MANBA: variants seen among roughly 807,000 people sequenced by gnomAD.
MANBA encodes the protein mannosidase beta, also known as beta-mannosidase.
MANBA carries 83 observed loss-of-function variants against 111.1 expected under a neutral mutation model. The ratio of observed to expected loss-of-function variants is 0.75; its 90% CI spans 0.63 to 0.90. The LOEUF (loss-of-function observed/expected upper bound fraction) is 0.90, where lower values mean the gene tolerates loss of function less well. Among genes scored for constraint, MANBA ranks in the 40% least tolerant of loss-of-function variants. MANBA has a pLI of 0.00. For synonymous variants in MANBA, 370 were observed against 378.7 expected (o/e 0.98, Z 0.27); for missense variants, 1,036 against 1,069.0 (o/e 0.97, Z 0.43).
chr4:102,743,451 G>T (rs1360789121), intron 1 of MANBA, among the ~76,000 whole-genome samples: 1 of 152,146 alleles, frequency 6.6e-6, no homozygotes, highest in Non-Finnish European at 1.5e-5. Context: ...TCCACTTTCG[G>T]GTGGTGCCTG....
At position 102,657,690 on chromosome 4, in the gene MANBA, A is replaced by C. The variant is rs145730170; in HGVS notation, c.1696T>G (p.Leu566Val). 66 of 1,607,184 alleles carry C rather than the reference A, an allele frequency of 4.1e-5. No individual in the cohort carries two copies. The highest frequency in any genetic ancestry group is 5.2e-5 in the Non-Finnish European group (61 of 1,173,802). Reference sequence around the variant, plus strand: ...ATCAAACGATGACTTACCTTTTCTAATGTACTGAAGGACGGCCAGGACTGA... The same window carrying C: ...ATCAAACGATGACTTACCTTTTCTACTGTACTGAAGGACGGCCAGGACTGA... The part of the protein sequence containing the change: ...GYQSWPSFST[L>V]EKVSSTEDWS... Residue 566 changes from leucine (L) to valine (V), a missense_variant, in exon 12 of 17, where the codon TTA becomes GTA. Leu to Val is a conservative substitution (Grantham distance 32). Coordinates refer to ENST00000647097, the MANE Select transcript of MANBA (RefSeq NM_005908.4).
intron 12 of MANBA, among the ~76,000 whole-genome samples, chr4:102,651,436 T>C (rs1009161544): frequency 6.6e-6 from 1 of 152,116 alleles, no homozygotes; most frequent in Non-Finnish European, 1.5e-5. Context: ...TGTTGGAGTA[T>C]ACCTTCTACA....
At chr4:102,662,267 C>T (rs1004321366) in intron 11 of MANBA, among the ~76,000 whole-genome samples, 1 of 152,008 alleles carries the variant, frequency 6.6e-6, no homozygotes, top group African/African-American at 2.4e-5. Flanking sequence ...GTGGGCCAGG[C>T]GTGGTGGCTC....
intron 16 of MANBA, chr4:102,633,178 T>G: frequency 2.5e-6 from 1 of 397,230 alleles, no homozygotes; most frequent in Non-Finnish European, 4.4e-6. Flanking sequence ...AGAAGCTTAA[T>G]AAAGCGTATC....
At chr4:102,726,142 T>C (rs1350791577) in intron 2 of MANBA, among the ~76,000 whole-genome samples, 2 of 152,182 alleles carry the variant, frequency 1.3e-5, no homozygotes, top group African/African-American at 4.8e-5. Context: ...GGATTTTTTT[T>C]TTCATTTAGC....
chr4:102,670,400 C>G (rs1490241939), intron 9 of MANBA, among the ~76,000 whole-genome samples: 1 of 151,984 alleles, frequency 6.6e-6, no homozygotes, highest in Non-Finnish European at 1.5e-5. Flanking sequence ...ATATTGTCAT[C>G]GTCACAATGA....
At chr4:102,748,349 A>T (rs1388200720) in intron 1 of MANBA, among the ~76,000 whole-genome samples, 6 of 152,214 alleles carry the variant, frequency 3.9e-5, no homozygotes. Context: ...CTCAAAAATG[A>T]TAGCTATCTT....
intron 1 of MANBA, chr4:102,734,651 G>A: frequency 1.4e-6 from 2 of 1,438,710 alleles, no homozygotes; most frequent in African/African-American, 1.4e-5. Flanking sequence ...GGCAGGGAGA[G>A]GGCCTTGGGG....
chr4:102,657,897 C>A lies in MANBA; in HGVS notation c.1489G>T (p.Asp497Tyr), dbSNP rs1307797015. Residue 497 changes from aspartate (D) to tyrosine (Y), a missense_variant, in exon 12 of 17, where the codon GAC (aspartate) becomes TAC (tyrosine). Physicochemically the swap from Asp to Tyr is radical, Grantham distance 160. Coordinates refer to ENST00000647097, the MANE Select transcript of MANBA (RefSeq NM_005908.4). ...GACGTAATAAAAGGACGACTCTTGT[C>A]TCCCTGAGTTCAGAAATAAAATGAA... ...KNIRELVLAG[D>Y]KSRPFITSSP... is the part of the protein sequence containing the mutation. 6.3e-7 allele frequency: 1 copy of A among 1,591,848 alleles called. No homozygotes were observed. The highest frequency in any genetic ancestry group is 2.2e-5 in the East Asian group (1 of 44,794).
chr4:102,734,692 C>T (rs1242647964), intron 1 of MANBA: 3 of 982,042 alleles, frequency 3.1e-6, no homozygotes, highest in Non-Finnish European at 4.6e-6. Context: ...TATCCTGTTC[C>T]CCCTCTCCAT....
At chr4:102,666,545 G>C (rs1731230345) in intron 10 of MANBA, 2 of 152,330 alleles carry the variant, frequency 1.3e-5, no homozygotes, top group Admixed American at 1.3e-4. Context: ...GGCCAAAGGA[G>C]AACAAAGGAG....
chr4:102,737,455 A>G (rs1018200943), intron 1 of MANBA, among the ~76,000 whole-genome samples: 1 of 151,842 alleles, frequency 6.6e-6, no homozygotes, highest in Non-Finnish European at 1.5e-5. Context: ...TTCATGGAAG[A>G]TGGGTAAGGC....
intron 7 of MANBA, among the ~76,000 whole-genome samples, chr4:102,676,467 A>G (rs1051112357): frequency 5.3e-5 from 8 of 152,052 alleles, no homozygotes; most frequent in Non-Finnish European, 1.2e-4. Flanking sequence ...ACATTGCAGA[A>G]TGCTTACTAG....
rs1192229674 is a variant in MANBA, at chr4:102,689,359, A to AAT, written c.960+213_960+214dup. Among the ~76,000 whole-genome samples, 1,285 of 100,380 alleles carry AAT rather than the reference A, an allele frequency of 0.013. 23 individuals are homozygous for AAT. The highest frequency in any genetic ancestry group is 0.04 in the African/African-American group (1,175 of 29,340). 65.9% of individuals were successfully genotyped at this position (100,380 alleles called of 152,430 possible). ...GCAAGACTCTGTCTCAAAAAAAAAA[A>AAT]ATATATATATATATATATATGTGTG... On this transcript the variant is annotated intron_variant, in intron 7 of 16. Coordinates refer to ENST00000647097, the MANE Select transcript of MANBA (RefSeq NM_005908.4).
At chr4:102,644,811 AG>A (rs1730029451) in intron 13 of MANBA, among the ~76,000 whole-genome samples, 1 of 152,180 alleles carries the variant, frequency 6.6e-6, no homozygotes, top group African/African-American at 2.4e-5. Context: ...TATGTTTAAC[AG>A]CTTGAATTAG....
chr4:102,751,635 G>T (rs1307306778), intron 1 of MANBA: 1 of 541,410 alleles, frequency 1.8e-6, no homozygotes, highest in African/African-American at 1.9e-5. Context: ...GTCATCAGAA[G>T]TAGTTGTGGA....
intron 16 of MANBA, 74 bp from the exon 17 acceptor site, chr4:102,632,355 A>G: frequency 1.6e-6 from 2 of 1,214,114 alleles, no homozygotes; most frequent in South Asian, 2.5e-5. Flanking sequence ...CAGTTCCTGT[A>G]AACATTTATG....
chr4:102,753,397 A>G (rs79956126), intron 1 of MANBA, among the ~76,000 whole-genome samples: 1,600 of 152,274 alleles, frequency 0.011, 29 homozygotes, highest in African/African-American at 0.036. Flanking sequence ...TTTTTAAAAG[A>G]ATTTTAATCA....
In MANBA at chr4:102,760,699, G is replaced by T; in HGVS notation, c.177+19C>A. On this transcript the variant is annotated intron_variant, in intron 1 of 16. Transcript: ENST00000647097. ...AGAAGGCGGGCGCAGGCTCGCCGCG[G>T]GTCGGCCGCACGCCATACCTGGATC... 1.3e-6 allele frequency: 2 copies of T among 1,516,440 alleles called. No homozygotes were observed. Among genetic ancestry groups the T allele is most frequent in the Non-Finnish European group, 8.9e-7 (1 of 1,125,792 alleles). The allele number at this position is 1,516,440 out of a possible 1,614,324, so 93.9% of individuals were successfully genotyped here.
Sources: allele counts gnomAD v4.1 joint callset (sites outside exome capture counted in the v4.1 genomes callset), GRCh38; gene constraint gnomAD v4.1.1; transcripts MANE v1.5; gene names NCBI Gene and HGNC (gene_info 2026-07-23, HGNC 2026-07-21).